BMPR1B: variants seen among roughly 807,000 people sequenced by gnomAD.
The protein encoded by BMPR1B is bone morphogenetic protein receptor type 1B, also known as bone morphogenetic protein receptor type-1B.
BMPR1B carries 12 observed loss-of-function variants against 59.1 expected under a neutral mutation model. That is an observed-to-expected ratio of 0.20 (90% confidence interval 0.13 to 0.33). The LOEUF is 0.33. Among genes scored for constraint, BMPR1B ranks in the 10% least tolerant of loss-of-function variants. The pLI, the probability that BMPR1B is intolerant of heterozygous loss-of-function variation, is 1.00. For missense variants in BMPR1B, 550 were observed against 610.9 expected (o/e 0.90, Z 1.05); for synonymous variants, 237 against 207.3 (o/e 1.14, Z -1.23).
chr4:94,758,492 A>G (rs1312998032), intron 1 of BMPR1B, among the ~76,000 whole-genome samples: 1 of 151,652 alleles, frequency 6.6e-6, no homozygotes, highest in Non-Finnish European at 1.5e-5. Context: ...AGCTGAGGGC[A>G]GTCGCGGAAT....
intron 9 of BMPR1B, among the ~76,000 whole-genome samples, chr4:95,130,974 C>T (rs1283033027): frequency 6.6e-6 from 1 of 151,944 alleles, no homozygotes; most frequent in Non-Finnish European, 1.5e-5. Context: ...AAGTGATCCA[C>T]CCGCCATGGC....
Position 95,053,737 on chromosome 4 carries a change from G to A in BMPR1B, c.-17-50671G>A, listed in dbSNP as rs139691435. On this transcript the variant is annotated intron_variant, in intron 3 of 12. Transcript: ENST00000515059. Reference sequence around the variant, plus strand: ...AATCCCAATTGATTTTCCCAGCTTTGTCACCAATTGACTTTTTTTGTTGAG... The same window carrying A: ...AATCCCAATTGATTTTCCCAGCTTTATCACCAATTGACTTTTTTTGTTGAG... Among the ~76,000 whole-genome samples, 457 of 152,138 alleles carry A rather than the reference G, an allele frequency of 3.0e-3. 5 individuals are homozygous for A. The highest frequency in any genetic ancestry group is 0.011 in the African/African-American group (436 of 41,508).
intron 6 of BMPR1B, among the ~76,000 whole-genome samples, chr4:95,122,266 G>T (rs1732584544): frequency 2.0e-5 from 3 of 151,880 alleles, no homozygotes; most frequent in African/African-American, 7.3e-5. Context: ...AACCCAGAAG[G>T]CAGAGGTTGC....
At chr4:95,070,568 C>CACTA (rs1728205358) in intron 3 of BMPR1B, among the ~76,000 whole-genome samples, 1 of 151,988 alleles carries the variant, frequency 6.6e-6, no homozygotes, top group South Asian at 2.1e-4. Context: ...GCTTGGTAGT[C>CACTA]AGTTGAGTGT....
At chr4:95,088,944 A>T (rs1729786771) in intron 3 of BMPR1B, among the ~76,000 whole-genome samples, 1 of 152,170 alleles carries the variant, frequency 6.6e-6, no homozygotes. Flanking sequence ...TAGTTTTCAT[A>T]ACTGAAGTAC....
intron 2 of BMPR1B, among the ~76,000 whole-genome samples, chr4:94,886,400 C>T (rs1267607589): frequency 1.3e-5 from 2 of 152,156 alleles, no homozygotes; most frequent in South Asian, 2.1e-4. Flanking sequence ...ATAATGTTCT[C>T]TGTTAATGAT....
At chr4:94,994,652 G>T (rs1438383977) in intron 2 of BMPR1B, among the ~76,000 whole-genome samples, 1 of 151,906 alleles carries the variant, frequency 6.6e-6, no homozygotes, top group Admixed American at 6.6e-5. Flanking sequence ...TAAGCAAGGA[G>T]AGGTGGATTT....
intron 2 of BMPR1B, among the ~76,000 whole-genome samples, chr4:94,910,524 A>G (rs995951339): frequency 1.3e-5 from 2 of 152,102 alleles, no homozygotes; most frequent in Non-Finnish European, 2.9e-5. Flanking sequence ...GCTAAGTAAC[A>G]TAAGTTTGGA....
At chr4:95,116,421 G>GCGCGCACACATACACACA in intron 6 of BMPR1B, among the ~76,000 whole-genome samples, 1 of 123,198 alleles carries the variant, frequency 8.1e-6, no homozygotes, top group African/African-American at 3.6e-5. Flanking sequence ...TTCAGCGCGC[G>GCGCGCACACATACACACA]CACACACACA....
chr4:94,955,849 G>A (rs1453650020), intron 2 of BMPR1B, among the ~76,000 whole-genome samples: 2 of 152,018 alleles, frequency 1.3e-5, no homozygotes, highest in Admixed American at 6.5e-5. Flanking sequence ...GGCTGGTCTC[G>A]AACTCCTGGC....
intron 2 of BMPR1B, among the ~76,000 whole-genome samples, chr4:94,936,196 C>T (rs1390636073): frequency 1.3e-5 from 2 of 152,034 alleles, no homozygotes. Context: ...GATAGTATAC[C>T]TCACAGAAAT....
chr4:94,822,125 G>T (rs1418464638), intron 1 of BMPR1B, among the ~76,000 whole-genome samples: 1 of 152,232 alleles, frequency 6.6e-6, no homozygotes, highest in East Asian at 1.9e-4. Flanking sequence ...CCATCTTGCT[G>T]TGTCATCTCA....
chr4:95,148,687 C>T lies in BMPR1B; in HGVS notation c.1077-61C>T, dbSNP rs191274169. The T allele has an allele frequency of 2.5e-5, 38 of 1,539,218 alleles. No homozygotes were observed. In the East Asian group the frequency reaches 8.3e-4, roughly 34 times the overall value. ...ACTAAAGCCATTGTTTCAGAATCAC[C>T]TTGATTCGTTTTTGTTGGTCCTCTT... On this transcript the variant is annotated intron_variant, in intron 10 of 12. Transcript: ENST00000515059.
chr4:94,798,579 C>T (rs1469378044), intron 1 of BMPR1B, among the ~76,000 whole-genome samples: 2 of 152,188 alleles, frequency 1.3e-5, no homozygotes, highest in African/African-American at 4.8e-5. Context: ...TACTCAGAAG[C>T]CAGGCAGCAT....
intron 3 of BMPR1B, among the ~76,000 whole-genome samples, chr4:95,069,508 C>G (rs1728110487): frequency 6.6e-6 from 1 of 152,206 alleles, no homozygotes; most frequent in Non-Finnish European, 1.5e-5. Flanking sequence ...TCATCCTTCC[C>G]TTCTCAAAAC....
At chr4:94,869,095 AAC>A (rs59407857) in intron 1 of BMPR1B, among the ~76,000 whole-genome samples, 21,504 of 144,120 alleles carry the variant, frequency 0.15, 1,498 homozygotes, top group Middle Eastern at 0.28. Flanking sequence ...TTTACTATCA[AAC>A]ACACACACAC....
intron 3 of BMPR1B, among the ~76,000 whole-genome samples, chr4:95,018,365 A>C (rs1334423622): frequency 6.6e-6 from 1 of 152,202 alleles, no homozygotes; most frequent in African/African-American, 2.4e-5. Context: ...TTGAAAGCTG[A>C]TTAATAATAT....
At chr4:94,841,357 C>A (rs1026639077) in intron 1 of BMPR1B, among the ~76,000 whole-genome samples, 1 of 149,014 alleles carries the variant, frequency 6.7e-6, no homozygotes, top group Admixed American at 6.6e-5. Flanking sequence ...GCCCCTCCCC[C>A]AGCCTCGCTG....
At chr4:95,036,363 A>C (rs1030088942) in intron 3 of BMPR1B, among the ~76,000 whole-genome samples, 2 of 152,122 alleles carry the variant, frequency 1.3e-5, no homozygotes, top group African/African-American at 4.8e-5. Context: ...TCCTACCCCC[A>C]AAACCCTTCC....
Sources: gnomAD v4.1 joint callset for allele counts (sites outside exome capture counted in the v4.1 genomes callset) on GRCh38, gnomAD v4.1.1 for gene constraint, MANE v1.5 for transcripts, NCBI Gene and HGNC (gene_info 2026-07-23, HGNC 2026-07-21) for gene names.